Variants in SCAP observed in about 807,000 individuals in gnomAD.
SCAP encodes SREBF chaperone.
In SCAP, 65 loss-of-function variants were observed where a neutral mutation model predicts 123.6. That is an observed-to-expected ratio of 0.53 (90% confidence interval 0.43 to 0.65). SCAP has a LOEUF of 0.65. Ranked by LOEUF, SCAP falls within the 30% of genes least tolerant of loss-of-function variation. SCAP has a pLI of 0.00. For synonymous variants in SCAP, 740 were observed against 726.3 expected (o/e 1.02, Z -0.30); for missense variants, 1,398 against 1,712.5 (o/e 0.82, Z 3.24).
Position 47,418,713 on chromosome 3 carries a change from C to T in SCAP, c.2071G>A (p.Glu691Lys). ...PPGPIPAGHW[E>K]AGPKGPGGVQ... ...CCACCTGGGCCCTTGGGTCCTGCTT[C>T]CCAGTGCCCAGCAGGTATGGGCCCC... is the stretch of plus-strand genomic sequence containing the variant. The change falls in exon 14 of 23, where the codon GAA (glutamate) becomes AAA (lysine). Residue 691 changes from glutamate to lysine, a missense_variant. By Grantham distance (56) the Glu-to-Lys change is moderately conservative (BLOSUM62 1). Transcript: ENST00000265565. 1 of 1,597,114 alleles carries T rather than the reference C, an allele frequency of 6.3e-7. No homozygotes were observed. The highest frequency in any genetic ancestry group is 1.4e-5 in the African/African-American group (1 of 73,620).
intron 4 of SCAP, 117 bp from the exon 5 acceptor site, chr3:47,427,784 G>A (rs1336119969): frequency 2.0e-5 from 17 of 854,164 alleles, no homozygotes; most frequent in Non-Finnish European, 2.9e-5. Flanking sequence ...CTCTGGTATC[G>A]CCAAAGAGCC....
chr3:47,426,915 A>G (rs2107822098), intron 6 of SCAP, among the ~76,000 whole-genome samples: 1 of 152,348 alleles, frequency 6.6e-6, no homozygotes, highest in South Asian at 2.1e-4. Context: ...AGGAGGCACC[A>G]GGACACTGAG....
rs758741382 is a variant in SCAP, at chr3:47,420,754, G to A, written c.1363C>T (p.Arg455Ter). The A allele has an allele frequency of 2.5e-6, 4 of 1,610,518 alleles. No homozygotes were observed. The highest frequency in any genetic ancestry group is 1.1e-5 in the South Asian group (1 of 90,956). ...RRMELADLNK[R>*]LPPEACLPSA... ...GGCAGGCAGGCCTCAGGGGGCAGTC[G>A]CTTGTTCAGGTCTGCTAGCTGTTGG... Residue 455 changes from arginine (R) to a stop codon, truncating the protein, a stop_gained, in exon 12 of 23, where the codon CGA (arginine) becomes TGA (stop). Transcript: ENST00000265565. LOFTEE classifies it high-confidence loss of function. The surrounding 1 kb of genome is among the most constrained non-coding windows in gnomAD (Gnocchi z 5.0).
chr3:47,440,884 TA>T (rs1304641474), intron 2 of SCAP, among the ~76,000 whole-genome samples: 1 of 151,456 alleles, frequency 6.6e-6, no homozygotes, highest in Non-Finnish European at 1.5e-5. Context: ...AAGAATGGGA[TA>T]ATACAGAAGG....
In SCAP at chr3:47,419,291, CAT is replaced by C; in HGVS notation, c.1940+35_1940+36del. ...GGGAAAGGGGATGGTGAGTTGACAC[CAT>C]CGAGTGAGGTGGCACCTGGCACGGC... On this transcript the variant is annotated intron_variant, in intron 13 of 22. Transcript: ENST00000265565. This position sits in a 1 kb window ranked among gnomAD's most constrained non-coding sequence, Gnocchi z 5.0. The C allele has an allele frequency of 6.3e-7, 1 of 1,575,358 alleles. No individual in the cohort carries two copies. The highest frequency in any genetic ancestry group is 2.2e-5 in the East Asian group (1 of 44,492).
intron 3 of SCAP, 39 bp downstream of exon 3, chr3:47,434,969 A>G (rs546610906): frequency 1.5e-5 from 25 of 1,613,826 alleles, no homozygotes; most frequent in African/African-American, 9.3e-5. Flanking sequence ...TCTCCACCCA[A>G]CGCTCTGTGC....
rs375979759 is a variant in SCAP at position 47,449,178 on chromosome 3, G to GCCTGGCACATA, written c.-98-6088_-98-6087insTATGTGCCAGG. On this transcript the variant is annotated intron_variant, in intron 1 of 22. Transcript: ENST00000265565. ...GTTTGGTCCTCAAAGCCTTTGGTATGCTGTTTAGGGTCAGATGCACGTATG... is the reference window on the plus strand; with the variant it reads ...GTTTGGTCCTCAAAGCCTTTGGTATGCCTGGCACATACTGTTTAGGGTCAGATGCACGTATG... Among the ~76,000 whole-genome samples, 41 of 128,024 alleles carry GCCTGGCACATA rather than the reference G, an allele frequency of 3.2e-4. 2 individuals carry two copies. Among genetic ancestry groups the GCCTGGCACATA allele is most frequent in the East Asian group, 8.3e-4 (3 of 3,632 alleles). The allele number at this position is 128,024 out of a possible 152,430, so 84.0% of individuals were successfully genotyped here.
rs978826876 is a variant in SCAP, at chr3:47,420,856, C to G, written c.1344+75G>C. ...ACCGCTGTCCTGCCCGAGGTCTACA[C>G]CCTTCTCACCCAGGACTCCCTCAGT... On this transcript the variant is annotated intron_variant, in intron 11 of 22. Transcript: ENST00000265565. The surrounding 1 kb of genome is among the most constrained non-coding windows in gnomAD (Gnocchi z 5.0). The G allele has an allele frequency of 1.3e-6, 2 of 1,585,814 alleles. No homozygotes were observed. The highest frequency in any genetic ancestry group is 4.5e-5 in the East Asian group (2 of 44,688).
At chr3:47,423,874 G>C (rs1167913380) in intron 9 of SCAP, 59 bp downstream of exon 9, 12 of 1,206,180 alleles carry the variant, frequency 9.9e-6, no homozygotes, top group South Asian at 3.7e-5. Flanking sequence ...ACAGCAAGAG[G>C]AACAGGCCCC....
At chr3:47,441,874 CTTTTTT>C (rs1160447716) in intron 2 of SCAP, among the ~76,000 whole-genome samples, 50 of 76,414 alleles carry the variant, frequency 6.5e-4, no homozygotes, top group Admixed American at 3.1e-3. Flanking sequence ...GTTCATCTTT[CTTTTTT>C]TTTTTTTTTT....
At chr3:47,449,270 C>A (rs1033884786) in intron 1 of SCAP, among the ~76,000 whole-genome samples, 2 of 68,042 alleles carry the variant, frequency 2.9e-5, no homozygotes, top group African/African-American at 8.7e-5. Flanking sequence ...GAGCTCCTTC[C>A]TCTACACAAT....
Position 47,420,636 on chromosome 3 carries a change from G to A in SCAP, c.1481C>T (p.Ser494Phe). Residue 494 changes from serine to phenylalanine, a missense_variant, in exon 12 of 23, where the codon TCC (serine) becomes TTC (phenylalanine). Ser to Phe is a radical substitution (Grantham distance 155, BLOSUM62 -2). Around this residue, in one of 7 missense-constraint regions of SCAP, gnomAD observed 828 missense variants for 882.5 expected, o/e 0.94. Transcript: ENST00000265565. The surrounding 1 kb of genome is among the most constrained non-coding windows in gnomAD (Gnocchi z 5.0). ...CTTGGGGAGCCGCAGGTTTCGGAAG[G>A]AAGACGGCTGCAACGTGATGGTGTG... is the stretch of plus-strand genomic sequence containing the variant. ...TPHTITLQPS[S>F]FRNLRLPKRL... The A allele has an allele frequency of 6.2e-7, 1 of 1,612,302 alleles. No homozygotes were observed. Among genetic ancestry groups the A allele is most frequent in the Non-Finnish European group, 8.5e-7 (1 of 1,179,954 alleles).
chr3:47,442,532 C>G (rs973549689), intron 2 of SCAP, among the ~76,000 whole-genome samples: 3 of 152,204 alleles, frequency 2.0e-5, no homozygotes, highest in Non-Finnish European at 4.4e-5. Context: ...TTGCACTTAA[C>G]CAGGTACTAA....
chr3:47,444,807 G>T (rs1309619544), intron 1 of SCAP, among the ~76,000 whole-genome samples: 1 of 143,766 alleles, frequency 7.0e-6, no homozygotes, highest in Non-Finnish European at 1.5e-5. Flanking sequence ...TTTGAGATGG[G>T]GTTGCCCAGG....
intron 1 of SCAP, among the ~76,000 whole-genome samples, chr3:47,473,980 T>C (rs1708168981): frequency 6.6e-6 from 1 of 152,108 alleles, no homozygotes; most frequent in Non-Finnish European, 1.5e-5. Flanking sequence ...AGAGAGAGCA[T>C]TCAAGCCAGG....
rs1707176118 is a variant in SCAP, at chr3:47,449,744, G to A, written c.-98-6653C>T. On this transcript the variant is annotated intron_variant, in intron 1 of 22. Coordinates refer to ENST00000265565, the MANE Select transcript of SCAP (RefSeq NM_012235.4). ...TGCAGGCTGGAAAATATTGTATGGA[G>A]GAAAAAAAATTATGGGAAACTCACT... 1.6e-5 allele frequency among the ~76,000 whole-genome samples: 2 copies of A among 123,314 alleles called. 1 individual carries two copies. Among genetic ancestry groups the A allele is most frequent in the Non-Finnish European group, 3.6e-5 (2 of 55,972 alleles). The allele number at this position is 123,314 out of a possible 152,430, so 80.9% of individuals were successfully genotyped here.
chr3:47,421,685 C>T (rs1204645154), intron 10 of SCAP, among the ~76,000 whole-genome samples: 1 of 152,252 alleles, frequency 6.6e-6, no homozygotes, highest in Non-Finnish European at 1.5e-5. Flanking sequence ...CAAGACTGTA[C>T]CCTATCCTGC....
At chr3:47,466,136 C>CAAAAAAAAA (rs1169935544) in intron 1 of SCAP, among the ~76,000 whole-genome samples, 3 of 96,012 alleles carry the variant, frequency 3.1e-5, no homozygotes, top group Non-Finnish European at 6.6e-5. Context: ...TCTTAAAAAC[C>CAAAAAAAAA]AAAAAAAAAA....
intron 1 of SCAP, among the ~76,000 whole-genome samples, chr3:47,458,290 G>A (rs1415526349): frequency 5.3e-5 from 8 of 152,040 alleles, no homozygotes; most frequent in Non-Finnish European, 7.4e-5. Context: ...TTAGCTGGGT[G>A]TGGTGGCATG....
Sources: gnomAD v4.1 joint callset for allele counts (sites outside exome capture counted in the v4.1 genomes callset) on GRCh38, gnomAD v4.1.1 for gene constraint, gnomAD v4.1.1 regional missense constraint, Gnocchi (gnomAD v3.1) non-coding constraint, MANE v1.5 for transcripts, NCBI Gene and HGNC (gene_info 2026-07-23, HGNC 2026-07-21) for gene names.